Variants in CCDC152 observed in about 807,000 individuals in gnomAD.
CCDC152 encodes coiled-coil domain containing 152.
CCDC152 carries 37 observed loss-of-function variants against 38.1 expected under a neutral mutation model. The ratio of observed to expected loss-of-function variants is 0.97; its 90% CI spans 0.75 to 1.28. The LOEUF is 1.28. CCDC152 is among the 50% of genes most tolerant of loss of function. The pLI is 0.00. For synonymous variants in CCDC152, 83 were observed against 87.1 expected, an observed-to-expected ratio of 0.95 and a Z score of 0.26; for missense variants, 259 against 292.1, an observed-to-expected ratio of 0.89 and a Z score of 0.83.
At chr5:42,797,007 CTG>C (rs1760085238) in intron 7 of CCDC152, 51 bp downstream of exon 7, 3 of 1,323,232 alleles carry the variant, frequency 2.3e-6, no homozygotes, top group African/African-American at 3.1e-5. Flanking sequence ...TTAGTCTAAA[CTG>C]TACTTTGATT....
At chr5:42,782,898 G>A (rs183234775) in intron 5 of CCDC152, among the ~76,000 whole-genome samples, 10 of 150,696 alleles carry the variant, frequency 6.6e-5, no homozygotes, top group Admixed American at 4.0e-4. Flanking sequence ...ACAGAGTCTC[G>A]CTCTGTCCCC....
chr5:42,792,570 T>C (rs1157622499), intron 6 of CCDC152, among the ~76,000 whole-genome samples: 1 of 152,160 alleles, frequency 6.6e-6, no homozygotes, highest in Non-Finnish European at 1.5e-5. Context: ...TCTGTAGTAA[T>C]TATTAACACC....
intron 4 of CCDC152, among the ~76,000 whole-genome samples, chr5:42,771,807 C>T (rs1759702543): frequency 6.6e-6 from 1 of 152,050 alleles, no homozygotes; most frequent in African/African-American, 2.4e-5. Context: ...GATGAGGTGG[C>T]TTCATGGGAA....
At chr5:42,793,571 TG>T (rs1310530385) in intron 6 of CCDC152, among the ~76,000 whole-genome samples, 2 of 152,222 alleles carry the variant, frequency 1.3e-5, no homozygotes, top group Non-Finnish European at 2.9e-5. Flanking sequence ...ACAATGACTC[TG>T]ATTAATATAA....
chr5:42,772,242 C>G (rs989994057), intron 4 of CCDC152, among the ~76,000 whole-genome samples: 1 of 152,150 alleles, frequency 6.6e-6, no homozygotes, highest in African/African-American at 2.4e-5. Flanking sequence ...GATTAAAACT[C>G]TCATGAAATA....
intron 6 of CCDC152, among the ~76,000 whole-genome samples, chr5:42,787,357 T>C (rs1344171463): frequency 6.6e-6 from 1 of 152,044 alleles, no homozygotes; most frequent in Non-Finnish European, 1.5e-5. Flanking sequence ...TTTTGCTTTT[T>C]AAAATGTAGC....
At chr5:42,798,116 A>T (rs1760101746) in intron 7 of CCDC152, among the ~76,000 whole-genome samples, 1 of 152,164 alleles carries the variant, frequency 6.6e-6, no homozygotes, top group African/African-American at 2.4e-5. Context: ...GTGCCACTGC[A>T]CTCCAGCCTG....
Position 42,784,862 on chromosome 5 carries a change from A to T in CCDC152, c.430+1286A>T, listed in dbSNP as rs550010306. 3.5e-4 allele frequency among the ~76,000 whole-genome samples: 53 copies of T among 152,096 alleles called. 1 individual carries two copies. The highest frequency in any genetic ancestry group is 6.8e-3 in the Middle Eastern group (2 of 294). Reference sequence around the variant, plus strand: ...CACTGTTTGTTATAATAAATAGGGAATCTTTTCCTCATTGTTTATTTTTGT... The same window carrying T: ...CACTGTTTGTTATAATAAATAGGGATTCTTTTCCTCATTGTTTATTTTTGT... On this transcript the variant is annotated intron_variant, in intron 6 of 8. Transcript: ENST00000361970.
At chr5:42,761,803 G>A (rs879878832) in intron 2 of CCDC152, among the ~76,000 whole-genome samples, 24 of 152,124 alleles carry the variant, frequency 1.6e-4, no homozygotes, top group Non-Finnish European at 3.4e-4. Context: ...ACTGAGAGTT[G>A]AATAGTTGGA....
At chr5:42,792,792 G>A (rs1760021563) in intron 6 of CCDC152, among the ~76,000 whole-genome samples, 1 of 152,158 alleles carries the variant, frequency 6.6e-6, no homozygotes. Context: ...TCATTGACTA[G>A]TTGCAACCAT....
chr5:42,778,248 A>G (rs1452396700), intron 4 of CCDC152, among the ~76,000 whole-genome samples: 1 of 152,208 alleles, frequency 6.6e-6, no homozygotes, highest in Non-Finnish European at 1.5e-5. Context: ...CAGACTGCAT[A>G]TATTTGCTAC....
intron 6 of CCDC152, 69 bp downstream of exon 6, chr5:42,783,645 G>A (rs758596997): frequency 2.0e-5 from 14 of 699,536 alleles, no homozygotes; most frequent in African/African-American, 3.8e-5. Flanking sequence ...TTGTTACATG[G>A]GTATTTTGTA....
intron 5 of CCDC152, among the ~76,000 whole-genome samples, chr5:42,781,023 A>G (rs1467895785): frequency 6.6e-6 from 1 of 152,218 alleles, no homozygotes; most frequent in African/African-American, 2.4e-5. Flanking sequence ...CTCAACCCAG[A>G]TAGAATAGTC....
intron 3 of CCDC152, among the ~76,000 whole-genome samples, chr5:42,766,342 G>C (rs1759624065): frequency 1.3e-5 from 2 of 152,124 alleles, no homozygotes; most frequent in African/African-American, 4.8e-5. Flanking sequence ...CAATCACTAT[G>C]AAGAACAGCC....
At chr5:42,787,444 GT>G (rs1759937174) in intron 6 of CCDC152, among the ~76,000 whole-genome samples, 1 of 151,678 alleles carries the variant, frequency 6.6e-6, no homozygotes, top group Non-Finnish European at 1.5e-5. Context: ...ATCTCTTTGA[GT>G]TGCCTTGCAA....
At chr5:42,762,294 C>T (rs746006320) in intron 2 of CCDC152, 149 bp from the exon 3 acceptor site, 12 of 529,520 alleles carry the variant, frequency 2.3e-5, no homozygotes, top group Non-Finnish European at 3.7e-5. Context: ...ATCAAAATGT[C>T]TTTATGCAGT....
chr5:42,781,328 G>T (rs1759841569), intron 5 of CCDC152, among the ~76,000 whole-genome samples: 1 of 152,080 alleles, frequency 6.6e-6, no homozygotes, highest in South Asian at 2.1e-4. Context: ...CCGAGAAGTT[G>T]AATAGCTTTG....
chr5:42,787,483 A>G (rs914927390), intron 6 of CCDC152, among the ~76,000 whole-genome samples: 1 of 151,794 alleles, frequency 6.6e-6, no homozygotes, highest in Non-Finnish European at 1.5e-5. Context: ...TTATCTGTCA[A>G]TGGGGCATTG....
At chr5:42,766,637 T>C (rs1410396813) in intron 3 of CCDC152, among the ~76,000 whole-genome samples, 2 of 148,182 alleles carry the variant, frequency 1.3e-5, no homozygotes, top group African/African-American at 4.9e-5. Context: ...GAGATCATTA[T>C]GTTAAGTGAA....
Sources: allele counts gnomAD v4.1 joint callset (sites outside exome capture counted in the v4.1 genomes callset), GRCh38; gene constraint gnomAD v4.1.1; transcripts MANE v1.5; gene names NCBI Gene and HGNC (gene_info 2026-07-23, HGNC 2026-07-21).